The following POU2F1 variants were observed in gnomAD, a reference collection of about 807,000 sequenced individuals.
The protein encoded by POU2F1 is POU domain, class 2, transcription factor 1.
Under a neutral mutation model 84.9 loss-of-function variants are expected in POU2F1, and 16 were observed. The ratio of observed to expected loss-of-function variants is 0.19; its 90% confidence interval spans 0.13 to 0.29. POU2F1 has a LOEUF of 0.29. POU2F1 is among the 10% of genes least tolerant of loss of function. The probability of loss-of-function intolerance (pLI) is 1.00; values close to 1 mark genes in which losing one functional copy is unlikely to be tolerated. For missense variants in POU2F1, 738 were observed against 942.6 expected, an observed-to-expected ratio of 0.78 and a Z score of 2.84; for synonymous variants, 368 against 368.3, an observed-to-expected ratio of 1.00 and a Z score of 0.01.
At position 167,389,870 on chromosome 1, in the gene POU2F1, T is replaced by G. The variant is rs191317908; in HGVS notation, c.987+109T>G. On this transcript the variant is annotated intron_variant, in intron 9 of 15. Transcript: ENST00000367866. ...CTGTGGATTCAACTAGTCCAAAATA[T>G]TTGGGACGGGGGACGAAAAAGGATG... is the stretch of plus-strand genomic sequence containing the variant. 322 of 1,295,042 alleles carry G rather than the reference T, an allele frequency of 2.5e-4. 4 individuals are homozygous for G. The Admixed American group carries it at 6.7e-3, about 27-fold the overall frequency. The allele number at this position is 1,295,042 out of a possible 1,614,324, so 80.2% of individuals were successfully genotyped here. A position where few individuals can be genotyped will look rare whatever the true frequency, so the allele number is the denominator to read the frequency against.
At chr1:167,221,583 G>C (rs1193445455) in intron 1 of POU2F1, among the ~76,000 whole-genome samples, 1 of 150,210 alleles carries the variant, frequency 6.7e-6, no homozygotes, top group Non-Finnish European at 1.5e-5. Flanking sequence ...CGCCTTGGGG[G>C]GCGGCCCTCA....
chr1:167,329,339 T>C (rs927134958), intron 1 of POU2F1: 1 of 1,543,250 alleles, frequency 6.5e-7, no homozygotes, highest in African/African-American at 1.4e-5. Context: ...TCTTAGAAGC[T>C]TTAATATGGA....
chr1:167,397,990 A>T lies in POU2F1; in HGVS notation c.1130-4A>T, dbSNP rs758704755. On this transcript the variant is annotated splice_polypyrimidine_tract_variant and splice_region_variant and intron_variant, in intron 10 of 15. Transcript: ENST00000367866. ...TTATTTCTGTATTTTCTTCATTCTTACAGAGAACCTCTCATCTGATTCGTC... is the reference window on the plus strand; with the variant it reads ...TTATTTCTGTATTTTCTTCATTCTTTCAGAGAACCTCTCATCTGATTCGTC... 6.2e-7 allele frequency: 1 copy of T among 1,608,766 alleles called. No homozygotes were observed. Among genetic ancestry groups the T allele is most frequent in the South Asian group, 1.1e-5 (1 of 90,214 alleles).
chr1:167,376,162 T>C lies in POU2F1; in HGVS notation c.718+7T>C. 6.2e-7 allele frequency: 1 copy of C among 1,614,098 alleles called. No homozygotes were observed. The highest frequency in any genetic ancestry group is 1.3e-5 in the African/African-American group (1 of 75,046). On this transcript the variant is annotated splice_region_variant and intron_variant, in intron 7 of 15. Coordinates refer to ENST00000367866, the MANE Select transcript of POU2F1 (RefSeq NM_002697.4). The stretch of plus-strand genomic sequence containing the variant: ...ACGCCCCAGGGCCAGCAGGGTGAGC[T>C]CCTCCTTAGAGCTTATTAGTGGTAT...
At chr1:167,344,090 A>G (rs1352064081) in intron 2 of POU2F1, among the ~76,000 whole-genome samples, 1 of 152,190 alleles carries the variant, frequency 6.6e-6, no homozygotes, top group East Asian at 1.9e-4. Flanking sequence ...ATTAAATTAA[A>G]TTAAATTAAA....
chr1:167,411,642 T>C (rs998833529), intron 13 of POU2F1, among the ~76,000 whole-genome samples: 3 of 152,218 alleles, frequency 2.0e-5, no homozygotes, highest in African/African-American at 7.2e-5. Context: ...TTGCTTTCTT[T>C]TTCTTCCCCA....
intron 1 of POU2F1, among the ~76,000 whole-genome samples, chr1:167,292,415 A>C (rs1261723809): frequency 6.6e-6 from 1 of 151,988 alleles, no homozygotes; most frequent in Non-Finnish European, 1.5e-5. Flanking sequence ...ACACCAAGCA[A>C]AGCTTTAGAA....
chr1:167,358,229 A>G (rs1172874615), intron 2 of POU2F1, among the ~76,000 whole-genome samples: 3 of 149,970 alleles, frequency 2.0e-5, no homozygotes, highest in Non-Finnish European at 4.4e-5. Flanking sequence ...CCCAGGTTCA[A>G]GTGATTCTCC....
At chr1:167,232,217 T>G (rs920835078) in intron 1 of POU2F1, among the ~76,000 whole-genome samples, 1 of 152,220 alleles carries the variant, frequency 6.6e-6, no homozygotes, top group Non-Finnish European at 1.5e-5. Context: ...CCCATTTTGT[T>G]CGAGGGTCAG....
At position 167,418,247 on chromosome 1, in the gene POU2F1, T is replaced by C. The variant is rs1650432677; in HGVS notation, c.*2437T>C. ...GCTTGTTTTTAATCTTTTATGTTGG[T>C]AAATTGTGATATCCTCTGGGCAGAC... On this transcript the variant is annotated 3_prime_UTR_variant, in exon 16 of 16. Transcript: ENST00000367866. 6.6e-6 allele frequency: 1 copy of C among 152,258 alleles called. No homozygotes were observed. Among genetic ancestry groups the C allele is most frequent in the Non-Finnish European group, 1.5e-5 (1 of 68,040 alleles). The allele number at this position is 152,258 out of a possible 1,614,324, so 9.4% of individuals were successfully genotyped here. A position where few individuals can be genotyped will look rare whatever the true frequency, so the allele number is the denominator to read the frequency against.
chr1:167,310,883 T>C (rs1655421836), intron 1 of POU2F1, among the ~76,000 whole-genome samples: 1 of 152,070 alleles, frequency 6.6e-6, no homozygotes, highest in South Asian at 2.1e-4. Flanking sequence ...CTGTGTAGGC[T>C]TACAACAGAA....
intron 7 of POU2F1, among the ~76,000 whole-genome samples, chr1:167,381,521 A>T (rs185969879): frequency 6.6e-6 from 1 of 150,610 alleles, no homozygotes; most frequent in Non-Finnish European, 1.5e-5. Flanking sequence ...ACTAACTTTC[A>T]TTGTTAAACT....
At chr1:167,344,392 T>G (rs186756084) in intron 2 of POU2F1, among the ~76,000 whole-genome samples, 2 of 152,256 alleles carry the variant, frequency 1.3e-5, no homozygotes, top group African/African-American at 4.8e-5. Context: ...AGATTTTAGT[T>G]AAGTGGTTTG....
chr1:167,343,125 G>A (rs1048207489), intron 2 of POU2F1, among the ~76,000 whole-genome samples: 1 of 152,088 alleles, frequency 6.6e-6, no homozygotes, highest in African/African-American at 2.4e-5. Flanking sequence ...GCCCACTGGT[G>A]CACATGGGGA....
chr1:167,283,828 T>C (rs1653338418), intron 1 of POU2F1, among the ~76,000 whole-genome samples: 1 of 152,198 alleles, frequency 6.6e-6, no homozygotes, highest in South Asian at 2.1e-4. Flanking sequence ...CTTGCTGTTA[T>C]TGCTAGGAAT....
intron 1 of POU2F1, among the ~76,000 whole-genome samples, chr1:167,263,457 C>T (rs965308944): frequency 4.0e-5 from 6 of 151,466 alleles, no homozygotes; most frequent in African/African-American, 1.2e-4. Context: ...GCAGAGGTTG[C>T]AGTGCGCCAA....
intron 1 of POU2F1, among the ~76,000 whole-genome samples, chr1:167,264,343 A>G (rs1354454361): frequency 2.0e-5 from 3 of 152,148 alleles, no homozygotes; most frequent in Non-Finnish European, 2.9e-5. Flanking sequence ...AGTGAGCAGT[A>G]TGCACCAAGG....
chr1:167,357,170 C>T (rs1008530967), intron 2 of POU2F1, among the ~76,000 whole-genome samples: 10 of 152,142 alleles, frequency 6.6e-5, no homozygotes, highest in African/African-American at 2.4e-4. Context: ...GGGAAGAGCC[C>T]TCTGCCCTGC....
At chr1:167,413,211 G>C in intron 15 of POU2F1, 97 bp downstream of exon 15, 1 of 1,125,700 alleles carries the variant, frequency 8.9e-7, no homozygotes, top group Admixed American at 1.9e-5. Flanking sequence ...GATAGAGGAA[G>C]TCTGCTTTGC....
Sources: allele counts gnomAD v4.1 joint callset (sites outside exome capture counted in the v4.1 genomes callset), GRCh38; gene constraint gnomAD v4.1.1; transcripts MANE v1.5; gene names NCBI Gene and HGNC (gene_info 2026-07-23, HGNC 2026-07-21).